SORCS3: variants seen among roughly 807,000 people sequenced by gnomAD.
SORCS3 encodes the protein VPS10 domain-containing receptor SorCS3.
A neutral mutation model predicts 146.3 loss-of-function variants in SORCS3; 57 were observed. The ratio of observed to expected loss-of-function variants is 0.39; its 90% CI spans 0.31 to 0.49. The LOEUF (loss-of-function observed/expected upper bound fraction) is 0.49. SORCS3 is among the 20% of genes least tolerant of loss of function. The pLI, the probability that SORCS3 is intolerant of heterozygous loss-of-function variation, is 0.92. For missense variants in SORCS3, 1,341 were observed against 1,575.5 expected, an observed-to-expected ratio of 0.85 and a Z score of 2.52; for synonymous variants, 653 against 618.5, an observed-to-expected ratio of 1.06 and a Z score of -0.83.
At chr10:104,853,420 A>G (rs2018295554) in intron 2 of SORCS3, among the ~76,000 whole-genome samples, 1 of 152,264 alleles carries the variant, frequency 6.6e-6, no homozygotes, top group South Asian at 2.1e-4. Context: ...TAAGCAAGAT[A>G]TAGGATTTGT....
intron 18 of SORCS3, 134 bp from the exon 19 acceptor site, chr10:105,216,802 G>A: frequency 1.3e-6 from 1 of 772,034 alleles, no homozygotes; most frequent in East Asian, 2.7e-5. Flanking sequence ...TGTGATCATT[G>A]TGTTGCAGGT....
At chr10:105,114,237 A>G (rs1414757511) in intron 7 of SORCS3, among the ~76,000 whole-genome samples, 1 of 152,124 alleles carries the variant, frequency 6.6e-6, no homozygotes, top group African/African-American at 2.4e-5. Context: ...TCAATGTGGT[A>G]AGAGTTCATT....
chr10:105,026,920 C>T (rs1189037002), intron 4 of SORCS3, among the ~76,000 whole-genome samples: 4 of 152,154 alleles, frequency 2.6e-5, no homozygotes, highest in Non-Finnish European at 5.9e-5. Flanking sequence ...TACCCCAAAC[C>T]TCAGCATCAC....
intron 8 of SORCS3, among the ~76,000 whole-genome samples, chr10:105,145,110 A>G (rs1446443459): frequency 1.3e-5 from 2 of 151,068 alleles, no homozygotes; most frequent in African/African-American, 2.4e-5. Flanking sequence ...CTGTATGTGC[A>G]TTTTAGGTTA....
intron 4 of SORCS3, among the ~76,000 whole-genome samples, chr10:104,995,728 G>A (rs754459819): frequency 2.6e-4 from 40 of 152,096 alleles, no homozygotes; most frequent in Admixed American, 1.5e-3. Context: ...TTCTCTTGAC[G>A]GTGTCTCTCA....
chr10:105,259,668 T>G (rs1173998226), intron 25 of SORCS3, among the ~76,000 whole-genome samples: 3 of 152,206 alleles, frequency 2.0e-5, no homozygotes, highest in African/African-American at 7.2e-5. Flanking sequence ...TTTCCATAAC[T>G]GAAGATCTGC....
chr10:104,707,888 A>G (rs1433342986), intron 1 of SORCS3, among the ~76,000 whole-genome samples: 1 of 152,188 alleles, frequency 6.6e-6, no homozygotes, highest in Non-Finnish European at 1.5e-5. Context: ...TTGAGACCTA[A>G]TGTCAGATAC....
At chr10:104,803,287 A>C (rs2017644865) in intron 1 of SORCS3, among the ~76,000 whole-genome samples, 1 of 152,184 alleles carries the variant, frequency 6.6e-6, no homozygotes, top group Non-Finnish European at 1.5e-5. Flanking sequence ...TTCTAAAAGA[A>C]AGAGAGGGGA....
At chr10:104,800,252 A>ATG (rs1268594248) in intron 1 of SORCS3, among the ~76,000 whole-genome samples, 1 of 151,896 alleles carries the variant, frequency 6.6e-6, no homozygotes, top group East Asian at 1.9e-4. Flanking sequence ...TCATATATAT[A>ATG]TATATATGTA....
intron 3 of SORCS3, among the ~76,000 whole-genome samples, chr10:104,968,259 G>A (rs553431803): frequency 1.3e-5 from 2 of 152,256 alleles, no homozygotes; most frequent in East Asian, 3.9e-4. Flanking sequence ...GGGATTACAG[G>A]CACATGCCAC....
At chr10:104,958,759 TGACTCACAGTTCCACATGGCTGA>T (rs1340885090) in intron 3 of SORCS3, among the ~76,000 whole-genome samples, 1 of 152,188 alleles carries the variant, frequency 6.6e-6, no homozygotes, top group African/African-American at 2.4e-5. Context: ...AATGTTTAAC[TGACTCACAGTTCCACATGGCTGA>T]GGAGGCTTCA....
At chr10:105,198,884 G>A (rs1042436492) in intron 14 of SORCS3, among the ~76,000 whole-genome samples, 2 of 152,124 alleles carry the variant, frequency 1.3e-5, no homozygotes, top group African/African-American at 4.8e-5. Context: ...ATTGTAAATT[G>A]GATGATCCAC....
chr10:104,666,996 A>G (rs890330355), intron 1 of SORCS3, among the ~76,000 whole-genome samples: 4 of 150,890 alleles, frequency 2.7e-5, no homozygotes, highest in African/African-American at 9.7e-5. Flanking sequence ...TAGTGTTGGG[A>G]GAGAGAGAGA....
chr10:105,220,232 A>G (rs1050703736), intron 19 of SORCS3, among the ~76,000 whole-genome samples: 3 of 152,108 alleles, frequency 2.0e-5, no homozygotes, highest in Non-Finnish European at 4.4e-5. Flanking sequence ...TCTTTGCCCT[A>G]AAAAAACTGC....
intron 4 of SORCS3, among the ~76,000 whole-genome samples, chr10:105,022,668 A>G (rs2055205075): frequency 6.6e-6 from 1 of 152,156 alleles, no homozygotes; most frequent in East Asian, 1.9e-4. Flanking sequence ...ACTTCTTAGA[A>G]ATTTTATCCA....
intron 7 of SORCS3, 146 bp downstream of exon 7, chr10:105,105,661 G>A: frequency 1.5e-6 from 1 of 674,344 alleles, no homozygotes; most frequent in Non-Finnish European, 2.7e-6. Context: ...CCAGTCCTCT[G>A]GGGAGAGCCC....
intron 1 of SORCS3, among the ~76,000 whole-genome samples, chr10:104,741,700 G>GTTTTTT (rs71022746): frequency 1.8e-3 from 6 of 3,266 alleles, no homozygotes; most frequent in Non-Finnish European, 2.2e-3. Flanking sequence ...TCCATTCTGG[G>GTTTTTT]TTTTTTTTTT....
chr10:105,049,317 C>A (rs550894843), intron 5 of SORCS3, among the ~76,000 whole-genome samples: 94 of 152,194 alleles, frequency 6.2e-4, no homozygotes, highest in African/African-American at 2.0e-3. Context: ...CTCTCCTTCC[C>A]TTTCATGGAC....
At chr10:104,675,273 A>G (rs1328425748) in intron 1 of SORCS3, among the ~76,000 whole-genome samples, 1 of 152,198 alleles carries the variant, frequency 6.6e-6, no homozygotes, top group Non-Finnish European at 1.5e-5. Flanking sequence ...TGCCTGTTCA[A>G]GTATTTTGTC....
Sources: gnomAD v4.1 joint callset for allele counts (sites outside exome capture counted in the v4.1 genomes callset) on GRCh38, gnomAD v4.1.1 for gene constraint, MANE v1.5 for transcripts, NCBI Gene and HGNC (gene_info 2026-07-23, HGNC 2026-07-21) for gene names.